The following NSMF variants were observed in gnomAD, a reference collection of about 807,000 sequenced individuals.
NSMF encodes nasal embryonic LHRH factor.
NSMF carries 31 observed loss-of-function variants against 71.0 expected under a neutral mutation model. That is an observed-to-expected ratio of 0.44 (90% CI 0.33 to 0.59). The LOEUF is 0.59. NSMF is among the 20% of genes least tolerant of loss of function. The probability of loss-of-function intolerance (pLI) is 0.04; values close to 1 mark genes in which losing one functional copy is unlikely to be tolerated. For synonymous variants in NSMF, 345 were observed against 287.1 expected (o/e 1.20, Z -2.04); for missense variants, 673 against 740.5 (o/e 0.91, Z 1.06).
chr9:137,454,714 G>A (rs1055792643), intron 6 of NSMF: 3 of 1,506,738 alleles, frequency 2.0e-6, no homozygotes, highest in Admixed American at 4.0e-5. Context: ...GCATTCCCAG[G>A]CTCTGACCTT....
Position 137,449,687 on chromosome 9 carries a change from G to A in NSMF, c.1420-13C>T. On this transcript the variant is annotated splice_polypyrimidine_tract_variant and intron_variant, in intron 14 of 15. Coordinates refer to ENST00000371475, the MANE Select transcript of NSMF (RefSeq NM_001130969.3). ...GGTTCTGGAACAGCTGGAGGAAGCG[G>A]GGTGCCATGAGTCCGAGGCAGAGAG... The A allele has an allele frequency of 6.2e-7, 1 of 1,610,508 alleles. No homozygotes were observed. The highest frequency in any genetic ancestry group is 8.5e-7 in the Non-Finnish European group (1 of 1,178,392).
At position 137,453,355 on chromosome 9, in the gene NSMF, G is replaced by A. The variant is rs1830642657; in HGVS notation, c.923-175C>T. 3.6e-6 allele frequency: 3 copies of A among 840,336 alleles called. No homozygotes were observed. The highest frequency in any genetic ancestry group is 2.7e-5 in the East Asian group (1 of 37,186). The allele number at this position is 840,336 out of a possible 1,614,324, so 52.1% of individuals were successfully genotyped here. On this transcript the variant is annotated intron_variant, in intron 8 of 15. Coordinates refer to ENST00000371475, the MANE Select transcript of NSMF (RefSeq NM_001130969.3). This position sits in a 1 kb window ranked among gnomAD's most constrained non-coding sequence, Gnocchi z 4.5. The stretch of plus-strand genomic sequence containing the variant: ...AGGACAGGCCTGTGGACACCACTGG[G>A]CAGCGGCCTGATGTGGGAAGGGAGA...
rs2131924881 is a variant in NSMF at position 137,448,215 on chromosome 9, A to G, written c.*1179T>C. 6.6e-6 allele frequency: 1 copy of G among 152,662 alleles called. No individual in the cohort carries two copies. Among genetic ancestry groups the G allele is most frequent in the Admixed American group, 6.5e-5 (1 of 15,308 alleles). The allele number at this position is 152,662 out of a possible 1,614,324, so 9.5% of individuals were successfully genotyped here. A position where few individuals can be genotyped will look rare whatever the true frequency, so the allele number is the denominator to read the frequency against. ...TGGAAAGCACTGAGAGGACAGACCC[A>G]CGCGGCGGCCGCGGTGGAGGATCAG... On this transcript the variant is annotated 3_prime_UTR_variant, in exon 16 of 16. Coordinates refer to ENST00000371475, the MANE Select transcript of NSMF (RefSeq NM_001130969.3). The surrounding 1 kb of genome is among the most constrained non-coding windows in gnomAD (Gnocchi z 5.3).
In NSMF at chr9:137,448,888, G is replaced by A. The variant is rs1041263147; in HGVS notation, c.*506C>T. 11 of 231,754 alleles carry A rather than the reference G, an allele frequency of 4.7e-5. No homozygotes were observed. The highest frequency in any genetic ancestry group is 2.1e-4 in the African/African-American group (9 of 42,856). The allele number at this position is 231,754 out of a possible 1,614,324, so 14.4% of individuals were successfully genotyped here. The stretch of plus-strand genomic sequence containing the variant: ...GGCAGCCCGGCGACGCTGGCCCCAC[G>A]CACACGGGCCACCCTGGTGCTGGTG... On this transcript the variant is annotated 3_prime_UTR_variant, in exon 16 of 16. Transcript: ENST00000371475. The surrounding 1 kb of genome is among the most constrained non-coding windows in gnomAD (Gnocchi z 5.3).
intron 6 of NSMF, chr9:137,455,019 A>T (rs1335511117): frequency 1.4e-6 from 1 of 728,002 alleles, no homozygotes; most frequent in Non-Finnish European, 2.5e-6. Flanking sequence ...GCCCCAGCCC[A>T]GACAGAGACA....
Position 137,452,410 on chromosome 9 carries a change from G to A in NSMF, c.1191C>T (p.Val397=), listed in dbSNP as rs889420126. ...TCCAGATCTTGGCTCCCTTGTGGTA[G>A]ACGTTCAGCTTCCTCTCTATCTCCT... The part of the protein sequence containing the change: ...ILEEIERKLN[V]YHKGAKIWKM... Residue 397 remains valine (V), a synonymous_variant, in exon 12 of 16, where the codon GTC becomes GTT. Transcript: ENST00000371475. 11 of 1,612,422 alleles carry A rather than the reference G, an allele frequency of 6.8e-6. No homozygotes were observed. Among genetic ancestry groups the A allele is most frequent in the African/African-American group, 1.3e-5 (1 of 74,786 alleles).
At position 137,455,369 on chromosome 9, in the gene NSMF, G is replaced by A. The variant is rs1326722060; in HGVS notation, c.711-62C>T. On this transcript the variant is annotated intron_variant, in intron 5 of 15. Transcript: ENST00000371475. ...GGAGGCAGGAGGGACACAGACGTCG[G>A]GACAGTGGTGCGAGCAGAGGGCCCA... The A allele has an allele frequency of 5.1e-6, 8 of 1,572,066 alleles. No individual in the cohort carries two copies. In the African/African-American group the frequency reaches 1.1e-4, roughly 21 times the overall value.
chr9:137,449,474 T>C lies in NSMF; in HGVS notation c.1513A>G (p.Thr505Ala). Reference sequence around the variant, plus strand: ...CGATACAACCGGAAGTCAAAGTACGTCTCGATCATCTGCTTCCCTGGGCGG... The same window carrying C: ...CGATACAACCGGAAGTCAAAGTACGCCTCGATCATCTGCTTCCCTGGGCGG... ...LSAQGKQMIETYFDFRLYRLW... is the reference protein window; with the variant it reads ...LSAQGKQMIEAYFDFRLYRLW... The change falls in exon 16 of 16, where the codon ACG (threonine) becomes GCG (alanine). Residue 505 changes from threonine to alanine, a missense_variant. Thr to Ala is a moderately conservative substitution (Grantham distance 58). This residue lies in a region of NSMF where 202 missense variants were observed against 280.8 expected (regional missense o/e 0.72). Coordinates refer to ENST00000371475, the MANE Select transcript of NSMF (RefSeq NM_001130969.3). The C allele has an allele frequency of 6.2e-7, 1 of 1,612,828 alleles. No homozygotes were observed. Among genetic ancestry groups the C allele is most frequent in the Non-Finnish European group, 8.5e-7 (1 of 1,179,906 alleles).
intron 13 of NSMF, 48 bp downstream of exon 13, chr9:137,450,128 G>A (rs377721532): frequency 3.8e-6 from 6 of 1,591,754 alleles, no homozygotes; most frequent in Non-Finnish European, 5.2e-6. Flanking sequence ...GCCAGGGCCT[G>A]GACTCTGCCT....
chr9:137,450,387 C>A (rs945199481), intron 12 of NSMF, 132 bp from the exon 13 acceptor site: 18 of 715,982 alleles, frequency 2.5e-5, no homozygotes, highest in Non-Finnish European at 3.8e-5. Context: ...TGATCTCCCC[C>A]ACCACACGTC....
chr9:137,455,450 C>A, intron 5 of NSMF, 143 bp from the exon 6 acceptor site: 3 of 1,139,054 alleles, frequency 2.6e-6, no homozygotes, highest in Non-Finnish European at 3.9e-6. Context: ...CCTCACCTGT[C>A]GAGGCCCAGC....
At position 137,453,392 on chromosome 9, in the gene NSMF, G is replaced by T; in HGVS notation, c.923-212C>A. The T allele has an allele frequency of 1.5e-6, 1 of 679,920 alleles. No homozygotes were observed. The allele number at this position is 679,920 out of a possible 1,614,324, so 42.1% of individuals were successfully genotyped here. A position where few individuals can be genotyped will look rare whatever the true frequency, so the allele number is the denominator to read the frequency against. ...TGTGGGAAGGGAGACCCTGGTGCGA[G>T]GCCGGTGGAAGGCGCGTGCAGGCAT... On this transcript the variant is annotated intron_variant, in intron 8 of 15. Transcript: ENST00000371475. The surrounding 1 kb of genome is among the most constrained non-coding windows in gnomAD (Gnocchi z 4.5).
At chr9:137,452,888 A>G (rs1830610835) in intron 9 of NSMF, 69 bp from the exon 10 acceptor site, 1 of 1,539,486 alleles carries the variant, frequency 6.5e-7, no homozygotes, top group African/African-American at 1.4e-5. Context: ...GGGAGCCCCC[A>G]TGAGGCTACC....
Position 137,454,766 on chromosome 9 carries a change from T to C in NSMF, c.780-323A>G, listed in dbSNP as rs1588504951. ...CTTACGCCCTGAGCCTCCACGCCCA[T>C]GTGGCAGAGGATCCAGCCTGCCTGC... On this transcript the variant is annotated intron_variant, in intron 6 of 15. Coordinates refer to ENST00000371475, the MANE Select transcript of NSMF (RefSeq NM_001130969.3). 5 of 1,419,460 alleles carry C rather than the reference T, an allele frequency of 3.5e-6. No homozygotes were observed. In the South Asian group the frequency reaches 3.9e-5, roughly 11 times the overall value. 87.9% of individuals were successfully genotyped at this position (1,419,460 alleles called of 1,614,324 possible).
intron 12 of NSMF, among the ~76,000 whole-genome samples, chr9:137,451,076 A>G (rs1357398458): frequency 4.2e-5 from 1 of 23,962 alleles, no homozygotes; most frequent in Non-Finnish European, 7.4e-5. Flanking sequence ...CCCCCTCCAC[A>G]CGCCTCTTCC....
intron 1 of NSMF, 93 bp from the exon 2 acceptor site, chr9:137,458,642 G>T: frequency 8.0e-7 from 1 of 1,243,818 alleles, no homozygotes; most frequent in Non-Finnish European, 1.1e-6. Flanking sequence ...CCCCAGCCAG[G>T]CCCTCGGCGT....
chr9:137,455,209 C>T (rs1830770730), intron 6 of NSMF, 30 bp downstream of exon 6: 2 of 1,610,194 alleles, frequency 1.2e-6, no homozygotes, highest in Non-Finnish European at 1.7e-6. Context: ...CAGAGATGGA[C>T]CCTGGTGGCG....
rs1170392712 is a variant in NSMF, at chr9:137,450,460, C to T, written c.1237-205G>A. On this transcript the variant is annotated intron_variant, in intron 12 of 15. Coordinates refer to ENST00000371475, the MANE Select transcript of NSMF (RefSeq NM_001130969.3). ...TGATCTCCCCCCCACGCCTCTTCCCCTTGATCTCCCCCACCACATGCCTCT... is the reference window on the plus strand; with the variant it reads ...TGATCTCCCCCCCACGCCTCTTCCCTTTGATCTCCCCCACCACATGCCTCT... Among the ~76,000 whole-genome samples, 4 of 87,502 alleles carry T rather than the reference C, an allele frequency of 4.6e-5. No individual in the cohort carries two copies. In the East Asian group the frequency reaches 1.2e-3, roughly 26 times the overall value. The allele number at this position is 87,502 out of a possible 152,430, so 57.4% of individuals were successfully genotyped here. A position where few individuals can be genotyped will look rare whatever the true frequency, so the allele number is the denominator to read the frequency against.
intron 6 of NSMF, 200 bp downstream of exon 6, chr9:137,455,039 G>A (rs1471633500): frequency 4.1e-6 from 3 of 735,806 alleles, no homozygotes; most frequent in South Asian, 3.0e-5. Context: ...ACGTGCCCTC[G>A]GAGTGCAGGA....
Sources: gnomAD v4.1 joint callset for allele counts (sites outside exome capture counted in the v4.1 genomes callset) on GRCh38, gnomAD v4.1.1 for gene constraint, gnomAD v4.1.1 regional missense constraint, Gnocchi (gnomAD v3.1) non-coding constraint, MANE v1.5 for transcripts, NCBI Gene and HGNC (gene_info 2026-07-23, HGNC 2026-07-21) for gene names.